Variants in TMEM232 observed in about 807,000 individuals in gnomAD.
TMEM232 encodes transmembrane protein 232.
A neutral mutation model predicts 78.8 loss-of-function variants in TMEM232; 80 were observed. That is an observed-to-expected ratio of 1.01 (90% CI 0.85 to 1.22). TMEM232 has a LOEUF of 1.22. Among genes scored for constraint, TMEM232 ranks in the 50% most tolerant of loss-of-function variants. The pLI, the probability that TMEM232 is intolerant of heterozygous loss-of-function variation, is 0.00. For synonymous variants in TMEM232, 297 were observed against 254.3 expected (o/e 1.17, Z -1.60); for missense variants, 881 against 742.2 (o/e 1.19, Z -2.17).
chr5:110,430,099 C>T (rs763480813), intron 12 of TMEM232: 1 of 151,364 alleles, frequency 6.6e-6, no homozygotes, highest in Non-Finnish European at 1.5e-5. Context: ...TTCCCCAAAA[C>T]TTCTGGAGTT....
chr5:110,491,072 A>G (rs548013478), intron 12 of TMEM232, among the ~76,000 whole-genome samples: 4 of 152,242 alleles, frequency 2.6e-5, no homozygotes, highest in East Asian at 3.9e-4. Flanking sequence ...TGCAAATCAT[A>G]TATCTGATAG....
chr5:110,605,490 G>T (rs1232712179), intron 9 of TMEM232, 132 bp from the exon 10 acceptor site: 11 of 1,041,768 alleles, frequency 1.1e-5, no homozygotes, highest in Non-Finnish European at 1.4e-5. Flanking sequence ...TAAAAAATGG[G>T]TTTACCATGA....
At chr5:110,579,840 A>G (rs911358154) in intron 10 of TMEM232, among the ~76,000 whole-genome samples, 1 of 151,800 alleles carries the variant, frequency 6.6e-6, no homozygotes, top group African/African-American at 2.4e-5. Context: ...TTAAACGTAG[A>G]TTAAACTTCC....
intron 1 of TMEM232, among the ~76,000 whole-genome samples, chr5:110,671,360 A>G (rs970542856): frequency 1.5e-4 from 23 of 152,292 alleles, no homozygotes; most frequent in Non-Finnish European, 2.4e-4. Flanking sequence ...AGGATCTAGA[A>G]TCAGAAATAC....
At chr5:110,511,202 C>A (rs911569261) in intron 12 of TMEM232, among the ~76,000 whole-genome samples, 1 of 152,004 alleles carries the variant, frequency 6.6e-6, no homozygotes, top group African/African-American at 2.4e-5. Flanking sequence ...GAACAGAAAA[C>A]CAAATACTGC....
intron 10 of TMEM232, among the ~76,000 whole-genome samples, chr5:110,585,126 G>A (rs1421225037): frequency 6.6e-6 from 1 of 152,076 alleles, no homozygotes; most frequent in East Asian, 1.9e-4. Context: ...TCTTAAGTAG[G>A]TGAAGACCTT....
At chr5:110,476,501 G>A (rs1763270013) in intron 12 of TMEM232, among the ~76,000 whole-genome samples, 1 of 151,940 alleles carries the variant, frequency 6.6e-6, no homozygotes, top group South Asian at 2.1e-4. Flanking sequence ...ATCCCATACT[G>A]ATTTTGTTAT....
intron 1 of TMEM232, among the ~76,000 whole-genome samples, chr5:110,682,763 G>C (rs909835267): frequency 1.3e-5 from 2 of 152,066 alleles, no homozygotes; most frequent in Admixed American, 6.6e-5. Flanking sequence ...TATCCCAGTA[G>C]ACAAATCCAC....
intron 12 of TMEM232, among the ~76,000 whole-genome samples, chr5:110,476,468 A>G (rs563960907): frequency 6.6e-6 from 1 of 152,172 alleles, no homozygotes; most frequent in African/African-American, 2.4e-5. Context: ...AACCATGAGT[A>G]AATAAATTTC....
At chr5:110,395,337 G>C (rs980661824) in intron 3 of TMEM232, among the ~76,000 whole-genome samples, 1 of 152,158 alleles carries the variant, frequency 6.6e-6, no homozygotes, top group Non-Finnish European at 1.5e-5. Context: ...GAACAGAAAA[G>C]TCTGTGATGA....
At chr5:110,620,577 A>ATCTCTCTC (rs66736608) in intron 7 of TMEM232, among the ~76,000 whole-genome samples, 27 of 43,110 alleles carry the variant, frequency 6.3e-4, no homozygotes, top group African/African-American at 1.7e-3. Context: ...TGTCTCTCAT[A>ATCTCTCTC]TCTCTCTCTC....
At chr5:110,556,436 G>T (rs1253207685) in intron 11 of TMEM232, among the ~76,000 whole-genome samples, 2 of 151,372 alleles carry the variant, frequency 1.3e-5, no homozygotes. Context: ...CACTCAGGCT[G>T]GAGTGCAGTA....
intron 7 of TMEM232, among the ~76,000 whole-genome samples, chr5:110,620,199 C>T (rs1219764421): frequency 6.6e-6 from 1 of 152,126 alleles, no homozygotes; most frequent in African/African-American, 2.4e-5. Context: ...AAATAAAAAG[C>T]ATCCTCTCAT....
At chr5:110,643,374 T>C (rs562269004) in intron 2 of TMEM232, among the ~76,000 whole-genome samples, 86 of 152,144 alleles carry the variant, frequency 5.7e-4, no homozygotes, top group African/African-American at 2.0e-3. Flanking sequence ...ATTCGAGTCA[T>C]CAGCATAGAT....
intron 2 of TMEM232, among the ~76,000 whole-genome samples, chr5:110,414,281 T>C (rs533305769): frequency 1.3e-5 from 2 of 152,342 alleles, no homozygotes; most frequent in African/African-American, 4.8e-5. Flanking sequence ...TTTTAATATG[T>C]ACAGTATTAT....
At chr5:110,620,949 G>A (rs932162701) in intron 7 of TMEM232, among the ~76,000 whole-genome samples, 6 of 131,360 alleles carry the variant, frequency 4.6e-5, no homozygotes, top group South Asian at 5.3e-4. Flanking sequence ...TGCAACCTCC[G>A]CCTCCTGGGT....
intron 12 of TMEM232, among the ~76,000 whole-genome samples, chr5:110,491,134 C>T (rs936585638): frequency 1.3e-5 from 2 of 151,226 alleles, no homozygotes; most frequent in Non-Finnish European, 2.9e-5. Context: ...TGATAACAGA[C>T]AACTAACCCA....
At chr5:110,436,306 T>C (rs1035622510) in intron 12 of TMEM232, among the ~76,000 whole-genome samples, 7 of 152,084 alleles carry the variant, frequency 4.6e-5, no homozygotes, top group African/African-American at 1.7e-4. Flanking sequence ...AATCAGATTA[T>C]TGGAATTTTT....
At chr5:110,478,119 C>T (rs139625257) in intron 12 of TMEM232, among the ~76,000 whole-genome samples, 1 of 151,888 alleles carries the variant, frequency 6.6e-6, no homozygotes, top group East Asian at 1.9e-4. Context: ...TATGTATTCA[C>T]AGCAAAGCTG....
Sources: gnomAD v4.1 joint callset for allele counts (sites outside exome capture counted in the v4.1 genomes callset) on GRCh38, gnomAD v4.1.1 for gene constraint, MANE v1.5 for transcripts, NCBI Gene and HGNC (gene_info 2026-07-23, HGNC 2026-07-21) for gene names.